Variants in LYRM4 observed in about 807,000 individuals in gnomAD.
The protein encoded by LYRM4 is LYR motif containing 4, also known as LYR motif-containing protein 4.
In LYRM4, 9 loss-of-function variants were observed where a neutral mutation model predicts 11.7. The ratio of observed to expected loss-of-function variants is 0.77; its 90% confidence interval spans 0.46 to 1.34. The LOEUF (loss-of-function observed/expected upper bound fraction) is 1.34, where lower values mean the gene tolerates loss of function less well. Ranked by LOEUF, LYRM4 falls within the 40% of genes most tolerant of loss-of-function variation. LYRM4 has a pLI of 0.00. For synonymous variants in LYRM4, 42 were observed against 40.4 expected (o/e 1.04, Z -0.15); for missense variants, 133 against 112.5 (o/e 1.18, Z -0.82).
chr6:5,187,347 G>A (rs1760466517), intron 2 of LYRM4, among the ~76,000 whole-genome samples: 1 of 152,194 alleles, frequency 6.6e-6, no homozygotes, highest in Non-Finnish European at 1.5e-5. Flanking sequence ...ACACATATCA[G>A]CTTGTTCACT....
At chr6:5,123,031 C>T (rs1439850060) in intron 2 of LYRM4, among the ~76,000 whole-genome samples, 5 of 152,206 alleles carry the variant, frequency 3.3e-5, no homozygotes, top group East Asian at 1.9e-4. Context: ...CACAGGCTAA[C>T]GATATTGGGG....
chr6:5,127,836 T>G (rs1453562985), intron 2 of LYRM4, among the ~76,000 whole-genome samples: 1 of 152,232 alleles, frequency 6.6e-6, no homozygotes, highest in Non-Finnish European at 1.5e-5. Flanking sequence ...TTTATTTATT[T>G]TTAGTGGGTT....
chr6:5,183,317 GA>G (rs1285899555), intron 2 of LYRM4, among the ~76,000 whole-genome samples: 1 of 152,144 alleles, frequency 6.6e-6, no homozygotes, highest in Non-Finnish European at 1.5e-5. Context: ...TGCTGTGGGA[GA>G]AATCATCTTA....
intron 2 of LYRM4, among the ~76,000 whole-genome samples, chr6:5,137,586 C>T (rs1233842362): frequency 6.6e-6 from 1 of 152,188 alleles, no homozygotes; most frequent in African/African-American, 2.4e-5. Flanking sequence ...CACAGAGGAA[C>T]TCTAGTGTCC....
At chr6:5,162,511 G>GAGACAGAGAGAGAA (rs1554133082) in intron 2 of LYRM4, among the ~76,000 whole-genome samples, 1 of 147,630 alleles carries the variant, frequency 6.8e-6, no homozygotes, top group Non-Finnish European at 1.5e-5. Context: ...GAGAGAGAGA[G>GAGACAGAGAGAGAA]AGAGAGAGAG....
intron 2 of LYRM4, among the ~76,000 whole-genome samples, chr6:5,191,781 A>G (rs1170290543): frequency 6.6e-6 from 1 of 152,244 alleles, no homozygotes; most frequent in African/African-American, 2.4e-5. Context: ...CAGTGTAAAC[A>G]TCTGGTCAAT....
At chr6:5,073,573 A>C in the LYRM4 span, among the ~76,000 whole-genome samples, 3 of 148,202 alleles carry the variant, frequency 2.0e-5, no homozygotes, top group South Asian at 4.2e-4. Flanking sequence ...TATATATAGT[A>C]CATAGTATAT....
chr6:5,041,444 T>C, the LYRM4 span, among the ~76,000 whole-genome samples: 1 of 152,260 alleles, frequency 6.6e-6, no homozygotes, highest in African/African-American at 2.4e-5. Context: ...ATGCCTGGTC[T>C]GTAAATGAAC....
At chr6:5,117,064 A>G (rs2127597831) in intron 2 of LYRM4, among the ~76,000 whole-genome samples, 1 of 152,326 alleles carries the variant, frequency 6.6e-6, no homozygotes, top group Non-Finnish European at 1.5e-5. Flanking sequence ...CCTATTTCGC[A>G]GAGTTGTTAT....
At position 5,214,034 on chromosome 6, in the gene LYRM4, C is replaced by T. The variant is rs781527465; in HGVS notation, c.207+2584G>A. ...GCTGAGTCAGGATGTGAACACAGGC[C>T]GGCTGGCCGCAGAGTCCATGCTCTT... On this transcript the variant is annotated intron_variant, in intron 2 of 2. Transcript: ENST00000330636. 5.7e-4 allele frequency among the ~76,000 whole-genome samples: 86 copies of T among 152,178 alleles called. 1 individual carries two copies. The highest frequency in any genetic ancestry group is 1.1e-3 in the Admixed American group (17 of 15,278).
At chr6:5,088,676 A>G in the LYRM4 span, 1 of 152,236 alleles carries the variant, frequency 6.6e-6, no homozygotes, top group Non-Finnish European at 1.5e-5. Flanking sequence ...TTTAAACACA[A>G]TATGCTGACA....
At chr6:5,143,682 A>G in intron 2 of LYRM4, among the ~76,000 whole-genome samples, 1 of 152,236 alleles carries the variant, frequency 6.6e-6, no homozygotes, top group Non-Finnish European at 1.5e-5. Context: ...TGCAAGCCTC[A>G]AAAACACAAG....
chr6:5,080,528 T>G, the LYRM4 span, among the ~76,000 whole-genome samples: 1 of 152,196 alleles, frequency 6.6e-6, no homozygotes, highest in Admixed American at 6.5e-5. Flanking sequence ...TATTCCAGGT[T>G]TTTGGTCTAC....
At chr6:5,103,691 C>G (rs541096341), downstream of LYRM4, 1 of 132,768 alleles carries the variant, frequency 7.5e-6, no homozygotes, top group South Asian at 2.4e-4. Flanking sequence ...GGCTGGAGTT[C>G]AGTGGCGTGA....
chr6:5,073,374 T>C, the LYRM4 span, among the ~76,000 whole-genome samples: 3 of 151,646 alleles, frequency 2.0e-5, no homozygotes, highest in African/African-American at 7.2e-5. Flanking sequence ...TTAAAAAATA[T>C]ATATATTTTT....
chr6:5,064,568 C>T, the LYRM4 span, among the ~76,000 whole-genome samples: 1 of 152,048 alleles, frequency 6.6e-6, no homozygotes, highest in African/African-American at 2.4e-5. Context: ...TAACTTTTTG[C>T]TTAAAATTTT....
At chr6:5,229,223 G>A (rs1373273847) in intron 1 of LYRM4, among the ~76,000 whole-genome samples, 1 of 152,050 alleles carries the variant, frequency 6.6e-6, no homozygotes, top group Non-Finnish European at 1.5e-5. Flanking sequence ...AAAAAGTGAA[G>A]AGGTTTGGAA....
intron 2 of LYRM4, among the ~76,000 whole-genome samples, chr6:5,192,275 G>A (rs530048158): frequency 6.6e-6 from 1 of 152,266 alleles, no homozygotes; most frequent in South Asian, 2.1e-4. Context: ...GTAGGGTGGT[G>A]GAGGGACCCT....
chr6:5,188,013 T>C (rs1050981388), intron 2 of LYRM4, among the ~76,000 whole-genome samples: 9 of 152,198 alleles, frequency 5.9e-5, no homozygotes, highest in Non-Finnish European at 1.3e-4. Context: ...GGAGAAAAAC[T>C]TTCCTGTTGC....
Sources: gnomAD v4.1 joint callset for allele counts (sites outside exome capture counted in the v4.1 genomes callset) on GRCh38, gnomAD v4.1.1 for gene constraint, MANE v1.5 for transcripts, NCBI Gene and HGNC (gene_info 2026-07-23, HGNC 2026-07-21) for gene names.